Variants in SMAD5 observed in about 807,000 individuals in gnomAD.
SMAD5 encodes SMAD family member 5.
SMAD5 carries 9 observed loss-of-function variants against 43.1 expected under a neutral mutation model. The ratio of observed to expected loss-of-function variants is 0.21; its 90% CI spans 0.13 to 0.36. The LOEUF (loss-of-function observed/expected upper bound fraction) is 0.36. SMAD5 is among the 10% of genes least tolerant of loss of function. The pLI is 1.00. For synonymous variants in SMAD5, 190 were observed against 192.4 expected, an observed-to-expected ratio of 0.99 and a Z score of 0.10; for missense variants, 348 against 574.0, an observed-to-expected ratio of 0.61 and a Z score of 4.02.
intron 1 of SMAD5, among the ~76,000 whole-genome samples, chr5:136,146,037 T>A (rs941907288): frequency 6.6e-6 from 1 of 151,912 alleles, no homozygotes; most frequent in Non-Finnish European, 1.5e-5. Flanking sequence ...TATGGGCACA[T>A]TTCAGTTGTT....
intron 1 of SMAD5, among the ~76,000 whole-genome samples, chr5:136,140,704 C>T (rs920744430): frequency 2.0e-5 from 3 of 151,796 alleles, no homozygotes; most frequent in Admixed American, 6.6e-5. Context: ...GACTTCTTGT[C>T]CACCTTCCCC....
chr5:136,137,885 C>T (rs1018797467), intron 1 of SMAD5, among the ~76,000 whole-genome samples: 2 of 152,186 alleles, frequency 1.3e-5, no homozygotes, highest in Non-Finnish European at 2.9e-5. Context: ...AGAACATCTT[C>T]ATAATGCACT....
chr5:136,145,104 T>C (rs1035655144), intron 1 of SMAD5, among the ~76,000 whole-genome samples: 1 of 141,162 alleles, frequency 7.1e-6, no homozygotes, highest in African/African-American at 2.8e-5. Flanking sequence ...GCCGTATTTC[T>C]TCTAAGATGT....
chr5:136,169,278 C>T (rs1354695394), intron 5 of SMAD5, among the ~76,000 whole-genome samples: 3 of 152,194 alleles, frequency 2.0e-5, no homozygotes, highest in African/African-American at 4.8e-5. Context: ...CATCTTCTGC[C>T]TGCCTGCTTT....
chr5:136,169,954 T>G (rs922039509), intron 5 of SMAD5, among the ~76,000 whole-genome samples: 1 of 152,222 alleles, frequency 6.6e-6, no homozygotes, highest in African/African-American at 2.4e-5. Flanking sequence ...TGCCATACTT[T>G]AATCAGATTG....
intron 3 of SMAD5, 124 bp downstream of exon 3, chr5:136,154,287 T>C (rs2149768973): frequency 1.6e-6 from 1 of 631,910 alleles, no homozygotes; most frequent in Non-Finnish European, 2.5e-6. Context: ...TCTTAAATAT[T>C]CTAATCTTGG....
At position 136,153,880 on chromosome 5, in the gene SMAD5, G is replaced by T. The variant is rs1196451698; in HGVS notation, c.120G>T (p.Lys40Asn). 1 of 1,613,828 alleles carries T rather than the reference G, an allele frequency of 6.2e-7. No individual in the cohort carries two copies. The highest frequency in any genetic ancestry group is 1.3e-5 in the African/African-American group (1 of 74,894). Residue 40 changes from lysine (K) to asparagine (N), a missense_variant, in exon 3 of 8, where the codon AAG becomes AAT. Around this residue, in one of 5 missense-constraint regions of SMAD5, gnomAD observed 39 missense variants for 78.5 expected, o/e 0.50. Coordinates refer to ENST00000545279, the MANE Select transcript of SMAD5 (RefSeq NM_005903.7). ...AAAAGGCAGTTGATGCTTTGGTGAAGAAACTAAAAAAGAAAAAGGGTGCCA... is the reference window on the plus strand; with the variant it reads ...AAAAGGCAGTTGATGCTTTGGTGAATAAACTAAAAAAGAAAAAGGGTGCCA... Reference protein sequence around the residue: ...WAEKAVDALVKKLKKKKGAME... With the variant: ...WAEKAVDALVNKLKKKKGAME...
Position 136,179,838 on chromosome 5 carries a change from T to A in SMAD5, c.*2358T>A, listed in dbSNP as rs1754561737. 1 of 152,268 alleles carries A rather than the reference T, an allele frequency of 6.6e-6. No individual in the cohort carries two copies. The highest frequency in any genetic ancestry group is 2.4e-5 in the African/African-American group (1 of 41,476). 9.4% of individuals were successfully genotyped at this position (152,268 alleles called of 1,614,324 possible). A position where few individuals can be genotyped will look rare whatever the true frequency, so the allele number is the denominator to read the frequency against. On this transcript the variant is annotated 3_prime_UTR_variant, in exon 8 of 8. Transcript: ENST00000545279. ...AATTACTCCAATTGAATGACTGATG[T>A]ATGTAATCAACTTCATTGGGCTGCA...
intron 1 of SMAD5, among the ~76,000 whole-genome samples, chr5:136,145,726 C>T (rs911230169): frequency 6.6e-6 from 1 of 151,896 alleles, no homozygotes; most frequent in South Asian, 2.1e-4. Context: ...GTGTTTCTCA[C>T]TTAATTCTCA....
At chr5:136,176,542 T>G (rs768969183) in intron 7 of SMAD5, among the ~76,000 whole-genome samples, 16 of 151,946 alleles carry the variant, frequency 1.1e-4, no homozygotes, top group Non-Finnish European at 2.2e-4. Flanking sequence ...GATTTTGATT[T>G]TTTATATATG....
At chr5:136,148,037 A>G (rs757245976) in intron 2 of SMAD5, 131 bp downstream of exon 2, 1 of 151,858 alleles carries the variant, frequency 6.6e-6, no homozygotes, top group Non-Finnish European at 1.5e-5. Context: ...CCACCATTTT[A>G]TACTAAATGG....
intron 1 of SMAD5, among the ~76,000 whole-genome samples, chr5:136,137,567 A>G (rs1752932029): frequency 6.6e-6 from 1 of 152,102 alleles, no homozygotes; most frequent in African/African-American, 2.4e-5. Flanking sequence ...GTTTGTTTTC[A>G]TGATGTGTTA....
In SMAD5 at chr5:136,160,712, G is replaced by C. The variant is rs1753793265; in HGVS notation, c.404-144G>C. 5.6e-6 allele frequency: 4 copies of C among 714,926 alleles called. No homozygotes were observed. The South Asian group carries it at 7.7e-5, about 14-fold the overall frequency. 44.3% of individuals were successfully genotyped at this position (714,926 alleles called of 1,614,324 possible). A position where few individuals can be genotyped will look rare whatever the true frequency, so the allele number is the denominator to read the frequency against. On this transcript the variant is annotated intron_variant, in intron 3 of 7. Transcript: ENST00000545279. ...AGTTTTTATGTAAATAGAGATTCAG[G>C]GCTCTATAAAACAGCCCTTTCTAAA...
At position 136,177,613 on chromosome 5, in the gene SMAD5, A is replaced by G. The variant is rs962008605; in HGVS notation, c.*133A>G. On this transcript the variant is annotated 3_prime_UTR_variant, in exon 8 of 8. Coordinates refer to ENST00000545279, the MANE Select transcript of SMAD5 (RefSeq NM_005903.7). ...ATTTTTTTCTACATAATTGTGACCA[A>G]TACATTTGTATTTTGTGATGAATCT... The G allele has an allele frequency of 4.1e-5, 26 of 637,834 alleles. No homozygotes were observed. Among genetic ancestry groups the G allele is most frequent in the Admixed American group, 9.6e-5 (3 of 31,224 alleles). 39.5% of individuals were successfully genotyped at this position (637,834 alleles called of 1,614,324 possible).
At chr5:136,166,728 C>T (rs10223217) in intron 5 of SMAD5, among the ~76,000 whole-genome samples, 53,991 of 151,678 alleles carry the variant, frequency 0.36, 10,429 homozygotes, top group African/African-American at 0.53. Context: ...TTATTTTTCT[C>T]CTTTTAAAAA....
At chr5:136,158,877 C>T (rs1235341835) in intron 3 of SMAD5, among the ~76,000 whole-genome samples, 1 of 148,886 alleles carries the variant, frequency 6.7e-6, no homozygotes, top group African/African-American at 2.5e-5. Context: ...CCAGCCTGGG[C>T]GACAGAGCGA....
intron 5 of SMAD5, among the ~76,000 whole-genome samples, chr5:136,171,405 TC>T (rs1269048650): frequency 6.6e-6 from 1 of 152,220 alleles, no homozygotes; most frequent in Admixed American, 6.5e-5. Context: ...CTGAATTGTG[TC>T]GTCCCAAAAT....
rs149698679 is a variant in SMAD5, at chr5:136,170,533, C to T, written c.776-1901C>T. Among the ~76,000 whole-genome samples the T allele has an allele frequency of 1.5e-3, 229 of 152,248 alleles. 3 individuals are homozygous for T. The highest frequency in any genetic ancestry group is 5.2e-3 in the African/African-American group (218 of 41,564). On this transcript the variant is annotated intron_variant, in intron 5 of 7. Coordinates refer to ENST00000545279, the MANE Select transcript of SMAD5 (RefSeq NM_005903.7). Reference sequence around the variant, plus strand: ...GTAGTGTCAGTCCTCCGACTTCATTCTTCTCCTTTGATATTGTGTTGGCTA... The same window carrying T: ...GTAGTGTCAGTCCTCCGACTTCATTTTTCTCCTTTGATATTGTGTTGGCTA...
chr5:136,162,825 T>C (rs1003052744), intron 4 of SMAD5, among the ~76,000 whole-genome samples: 5 of 152,232 alleles, frequency 3.3e-5, no homozygotes, highest in African/African-American at 7.2e-5. Context: ...TGAAGGGACA[T>C]AGTTTTACTT....
Sources: gnomAD v4.1 joint callset for allele counts (sites outside exome capture counted in the v4.1 genomes callset) on GRCh38, gnomAD v4.1.1 for gene constraint, gnomAD v4.1.1 regional missense constraint, MANE v1.5 for transcripts, NCBI Gene and HGNC (gene_info 2026-07-23, HGNC 2026-07-21) for gene names.